The following TRHDE variants were observed in gnomAD, a reference collection of about 807,000 sequenced individuals.
TRHDE encodes thyrotropin releasing hormone degrading enzyme.
In TRHDE, 72 loss-of-function variants were observed where a neutral mutation model predicts 125.7. The observed-to-expected ratio is 0.57, with a 90% CI of 0.47 to 0.70. The LOEUF is 0.70. Ranked by LOEUF, TRHDE falls within the 30% of genes least tolerant of loss-of-function variation. The pLI is 0.00. For missense variants in TRHDE, 1,110 were observed against 1,327.1 expected (o/e 0.84, Z 2.54); for synonymous variants, 509 against 509.1 (o/e 1.00, Z 0.00).
At chr12:72,580,478 G>C (rs1279040138) in intron 12 of TRHDE, among the ~76,000 whole-genome samples, 1 of 152,158 alleles carries the variant, frequency 6.6e-6, no homozygotes, top group Non-Finnish European at 1.5e-5. Context: ...TTTCACTCTT[G>C]TTACCCAGGC....
chr12:72,625,107 A>C (rs1409526845), intron 15 of TRHDE, among the ~76,000 whole-genome samples: 1 of 151,968 alleles, frequency 6.6e-6, no homozygotes, highest in African/African-American at 2.4e-5. Context: ...ATGAACTGTT[A>C]TTTAAAATCT....
intron 15 of TRHDE, among the ~76,000 whole-genome samples, chr12:72,637,571 T>C (rs896066222): frequency 6.6e-6 from 1 of 151,968 alleles, no homozygotes; most frequent in Admixed American, 6.6e-5. Flanking sequence ...GCTGTTGCTT[T>C]TCTAGTTCTT....
At chr12:72,597,528 C>T (rs558158834) in intron 12 of TRHDE, among the ~76,000 whole-genome samples, 7 of 150,994 alleles carry the variant, frequency 4.6e-5, no homozygotes, top group East Asian at 3.9e-4. Flanking sequence ...ATTAGCCAGG[C>T]GTGGTGGCAT....
At chr12:72,491,328 A>C (rs1877673974) in intron 5 of TRHDE, among the ~76,000 whole-genome samples, 1 of 151,874 alleles carries the variant, frequency 6.6e-6, no homozygotes, top group Non-Finnish European at 1.5e-5. Context: ...ACTGTGATTG[A>C]CATTATTTGA....
In TRHDE at chr12:72,377,878, A is replaced by T. The variant is rs557155345; in HGVS notation, c.1189-117A>T. ...TGTGCTTTGATATAGTGTATGAACG[A>T]GAATCCTGTTTAAGTTTTGTAGTAT... On this transcript the variant is annotated intron_variant, in intron 2 of 18. Coordinates refer to ENST00000261180, the MANE Select transcript of TRHDE (RefSeq NM_013381.3). The T allele has an allele frequency of 2.0e-3, 1,391 of 706,648 alleles. 3 individuals are homozygous for T. The highest frequency in any genetic ancestry group is 1.8e-3 in the Non-Finnish European group (851 of 465,688). 43.8% of individuals were successfully genotyped at this position (706,648 alleles called of 1,614,324 possible).
chr12:72,175,975 G>C (rs955829531), intron 2 of TRHDE, among the ~76,000 whole-genome samples: 2 of 152,178 alleles, frequency 1.3e-5, no homozygotes, highest in African/African-American at 4.8e-5. Flanking sequence ...GGAAAGAAGA[G>C]GCAGAATTGG....
chr12:72,349,548 T>C (rs1870485299), intron 2 of TRHDE, among the ~76,000 whole-genome samples: 1 of 148,844 alleles, frequency 6.7e-6, no homozygotes, highest in African/African-American at 2.5e-5. Flanking sequence ...CTTTGCCTTT[T>C]TTTGGGCGGG....
chr12:72,572,944 A>C (rs1035192570), intron 10 of TRHDE, among the ~76,000 whole-genome samples: 10 of 152,026 alleles, frequency 6.6e-5, no homozygotes, highest in African/African-American at 2.2e-4. Flanking sequence ...CAAACTTGTA[A>C]AAATCCAAAG....
At chr12:72,203,943 G>A (rs944154783) in intron 2 of TRHDE, among the ~76,000 whole-genome samples, 2 of 151,976 alleles carry the variant, frequency 1.3e-5, no homozygotes, top group African/African-American at 4.8e-5. Context: ...TCATAGCATC[G>A]GCTTATGTCA....
At chr12:72,213,706 G>A (rs1458328332) in intron 2 of TRHDE, among the ~76,000 whole-genome samples, 1 of 152,042 alleles carries the variant, frequency 6.6e-6, no homozygotes, top group Non-Finnish European at 1.5e-5. Flanking sequence ...AAATTCAAAA[G>A]CAAATTACTT....
intron 2 of TRHDE, among the ~76,000 whole-genome samples, chr12:72,357,722 C>G (rs969577707): frequency 6.6e-6 from 1 of 151,410 alleles, no homozygotes; most frequent in African/African-American, 2.4e-5. Context: ...TATAGTAGCT[C>G]TTGTCAAAGG....
At chr12:72,304,323 A>G (rs1339379404) in intron 2 of TRHDE, among the ~76,000 whole-genome samples, 1 of 152,166 alleles carries the variant, frequency 6.6e-6, no homozygotes, top group African/African-American at 2.4e-5. Flanking sequence ...TTAATTGTAA[A>G]TGAGGAAAGG....
At chr12:72,610,580 A>T (rs956546897) in intron 12 of TRHDE, 7 of 152,192 alleles carry the variant, frequency 4.6e-5, no homozygotes, top group Admixed American at 3.9e-4. Context: ...TGCAGCAAAC[A>T]GTTCGGGTGC....
chr12:72,124,945 A>G (rs1592449756), intron 2 of TRHDE, among the ~76,000 whole-genome samples: 7 of 152,308 alleles, frequency 4.6e-5, no homozygotes, highest in African/African-American at 1.4e-4. Context: ...CTGTAACAAA[A>G]GATATGAACT....
chr12:72,660,162 G>T (rs919189338), intron 18 of TRHDE, among the ~76,000 whole-genome samples: 1 of 152,164 alleles, frequency 6.6e-6, no homozygotes, highest in African/African-American at 2.4e-5. Flanking sequence ...ATATGTCAGC[G>T]TTTTCTTCTA....
chr12:72,158,297 C>G lies in TRHDE; in HGVS notation n.279+52545C>G, dbSNP rs554839329. Among the ~76,000 whole-genome samples, 5 of 151,866 alleles carry G rather than the reference C, an allele frequency of 3.3e-5. No individual in the cohort carries two copies. The East Asian group carries it at 9.7e-4, about 29-fold the overall frequency. ...AGAAAAGTTTGTTCTTAAACCAGCA[C>G]TTGTACCCCGTGAATCTAAAATAAA... On this transcript the variant is annotated intron_variant and non_coding_transcript_variant, in intron 2 of 4. Transcript: ENST00000548156.
intron 2 of TRHDE, among the ~76,000 whole-genome samples, chr12:72,181,939 G>T (rs569319886): frequency 6.6e-6 from 1 of 152,238 alleles, no homozygotes; most frequent in African/African-American, 2.4e-5. Context: ...TTTATGACAT[G>T]ATTTTCAGAA....
rs1205157326 is a variant in TRHDE, at chr12:72,663,198, T to C, written c.*3T>C. The C allele has an allele frequency of 1.3e-6, 2 of 1,593,136 alleles. No individual in the cohort carries two copies. The highest frequency in any genetic ancestry group is 1.7e-4 in the Middle Eastern group (1 of 5,852). On this transcript the variant is annotated 3_prime_UTR_variant, in exon 19 of 19. Coordinates refer to ENST00000261180, the MANE Select transcript of TRHDE (RefSeq NM_013381.3). ...TAGGAAAAGCTCTAAGACACTAATATATGTATCTTATAAACAAACAATTCA... is the reference window on the plus strand; with the variant it reads ...TAGGAAAAGCTCTAAGACACTAATACATGTATCTTATAAACAAACAATTCA...
In TRHDE at chr12:72,660,271, C is replaced by T. The variant is rs185643720; in HGVS notation, c.3067-2781C>T. Among the ~76,000 whole-genome samples, 180 of 152,256 alleles carry T rather than the reference C, an allele frequency of 1.2e-3. No individual in the cohort carries two copies. In the Middle Eastern group the frequency reaches 0.014, roughly 12 times the overall value. The stretch of plus-strand genomic sequence containing the variant: ...AGAGGAACCAGAAGTACGGGAGGAA[C>T]GTGAAAGTGGACAAGGAACATGAGC... On this transcript the variant is annotated intron_variant, in intron 18 of 18. Transcript: ENST00000261180.
Sources: gnomAD v4.1 joint callset for allele counts (sites outside exome capture counted in the v4.1 genomes callset) on GRCh38, gnomAD v4.1.1 for gene constraint, MANE v1.5 for transcripts, NCBI Gene and HGNC (gene_info 2026-07-23, HGNC 2026-07-21) for gene names.